Variants in FAM227B observed in about 807,000 individuals in gnomAD.
FAM227B encodes protein FAM227B.
Under a neutral mutation model 73.8 loss-of-function variants are expected in FAM227B, and 88 were observed. That is an observed-to-expected ratio of 1.19 (90% CI 1.00 to 1.42). FAM227B has a LOEUF of 1.42. FAM227B is among the 40% of genes most tolerant of loss of function. FAM227B has a pLI of 0.00. For synonymous variants in FAM227B, 210 were observed against 190.5 expected, an observed-to-expected ratio of 1.10 and a Z score of -0.84; for missense variants, 632 against 590.9, an observed-to-expected ratio of 1.07 and a Z score of -0.72.
chr15:49,584,594 T>A (rs1266859755), intron 5 of FAM227B, among the ~76,000 whole-genome samples: 1 of 152,142 alleles, frequency 6.6e-6, no homozygotes. Context: ...TCAGGTGACA[T>A]TATCCTATAC....
chr15:49,559,581 C>T (rs2074066052), intron 9 of FAM227B, among the ~76,000 whole-genome samples: 1 of 152,064 alleles, frequency 6.6e-6, no homozygotes, highest in South Asian at 2.1e-4. Context: ...CATAAGTCAA[C>T]AGAGGCAATG....
intron 11 of FAM227B, among the ~76,000 whole-genome samples, chr15:49,500,112 T>G (rs1361576297): frequency 6.6e-6 from 1 of 152,216 alleles, no homozygotes; most frequent in East Asian, 1.9e-4. Context: ...AAGGACCTGT[T>G]TCTAAATACA....
At chr15:49,502,282 A>C (rs879267957) in intron 11 of FAM227B, among the ~76,000 whole-genome samples, 3 of 152,204 alleles carry the variant, frequency 2.0e-5, no homozygotes, top group African/African-American at 4.8e-5. Context: ...TTGCACCCTG[A>C]ATCTGAAAAA....
chr15:49,588,427 C>T (rs1325834047), intron 4 of FAM227B, among the ~76,000 whole-genome samples: 1 of 149,900 alleles, frequency 6.7e-6, no homozygotes, highest in Non-Finnish European at 1.5e-5. Flanking sequence ...TTCATGGTCA[C>T]CTTAATTTCA....
At chr15:49,576,617 A>C (rs1483629849) in intron 7 of FAM227B, 124 bp downstream of exon 7, 1 of 633,860 alleles carries the variant, frequency 1.6e-6, no homozygotes, top group African/African-American at 1.8e-5. Context: ...TTTCCTGCCA[A>C]ATTTAATGCC....
chr15:49,405,798 A>G (rs541265726), intron 11 of FAM227B, among the ~76,000 whole-genome samples: 35 of 152,196 alleles, frequency 2.3e-4, no homozygotes, highest in Non-Finnish European at 4.0e-4. Flanking sequence ...GAAGTGATGC[A>G]GTCATTTGGA....
chr15:49,617,776 T>TTGTG (rs67917912), intron 1 of FAM227B, among the ~76,000 whole-genome samples: 12,322 of 148,086 alleles, frequency 0.083, 644 homozygotes, highest in East Asian at 0.12. Context: ...CTTTCATGTT[T>TTGTG]TGTGTGTGTG....
chr15:49,614,719 A>T lies in FAM227B; in HGVS notation c.51+402T>A, dbSNP rs114909520. 3.8e-3 allele frequency: 670 copies of T among 174,848 alleles called. 6 individuals are homozygous for T. Among genetic ancestry groups the T allele is most frequent in the African/African-American group, 0.015 (646 of 42,442 alleles). The allele number at this position is 174,848 out of a possible 1,614,324, so 10.8% of individuals were successfully genotyped here. On this transcript the variant is annotated intron_variant, in intron 2 of 15. Transcript: ENST00000299338. ...ACATACCAAATCACTATATCTTGAC[A>T]ATTAGCCTCTAGACTCCTCACCATC...
chr15:49,484,373 G>A (rs780006901), intron 11 of FAM227B: 3 of 1,594,538 alleles, frequency 1.9e-6, no homozygotes, highest in East Asian at 2.2e-5. Flanking sequence ...CAACACATAT[G>A]CATCAGCTAA....
intron 9 of FAM227B, among the ~76,000 whole-genome samples, chr15:49,543,905 G>T (rs775516063): frequency 6.6e-6 from 1 of 152,098 alleles, no homozygotes; most frequent in Admixed American, 6.6e-5. Context: ...ACATAGCCTT[G>T]TAGTATAGTT....
At chr15:49,600,880 A>C (rs956286008) in intron 3 of FAM227B, among the ~76,000 whole-genome samples, 5 of 150,846 alleles carry the variant, frequency 3.3e-5, no homozygotes, top group African/African-American at 9.8e-5. Context: ...ATCTCTACTA[A>C]AAATACCAAA....
intron 11 of FAM227B, among the ~76,000 whole-genome samples, chr15:49,503,055 T>C (rs1187244699): frequency 3.3e-5 from 5 of 151,998 alleles, no homozygotes; most frequent in Admixed American, 1.3e-4. Context: ...CAAAACAGCA[T>C]GGTCCTGGTA....
intron 11 of FAM227B, among the ~76,000 whole-genome samples, chr15:49,374,871 G>A (rs1411923541): frequency 6.6e-6 from 1 of 152,164 alleles, no homozygotes; most frequent in Non-Finnish European, 1.5e-5. Context: ...ATGTCTTATT[G>A]TGTGTATTTT....
At chr15:49,613,916 T>A (rs182256230) in intron 2 of FAM227B, among the ~76,000 whole-genome samples, 69 of 152,286 alleles carry the variant, frequency 4.5e-4, no homozygotes, top group African/African-American at 1.6e-3. Context: ...AGATGGTGCA[T>A]GCAAAAGGCT....
intron 10 of FAM227B, among the ~76,000 whole-genome samples, chr15:49,514,653 A>G (rs1283336884): frequency 1.3e-5 from 2 of 152,126 alleles, no homozygotes; most frequent in African/African-American, 4.8e-5. Context: ...TCTCAATACC[A>G]ATCTTTTATT....
intron 2 of FAM227B, chr15:49,614,720 A>G (rs889317011): frequency 1.1e-5 from 2 of 174,538 alleles, no homozygotes; most frequent in African/African-American, 4.7e-5. Context: ...TATCTTGACA[A>G]TTAGCCTCTA....
chr15:49,356,231 C>A (rs1160850656), intron 13 of FAM227B, among the ~76,000 whole-genome samples: 3 of 151,898 alleles, frequency 2.0e-5, no homozygotes, highest in African/African-American at 7.3e-5. Context: ...ATCAAATTCA[C>A]ACATAACAAT....
At chr15:49,604,220 A>G (rs753862226) in intron 3 of FAM227B, among the ~76,000 whole-genome samples, 6 of 152,216 alleles carry the variant, frequency 3.9e-5, no homozygotes, top group Non-Finnish European at 7.4e-5. Context: ...CTTCATTTGA[A>G]CTTGAAGAAC....
At chr15:49,541,281 T>G (rs2071033091) in intron 10 of FAM227B, among the ~76,000 whole-genome samples, 1 of 152,122 alleles carries the variant, frequency 6.6e-6, no homozygotes, top group Admixed American at 6.5e-5. Context: ...AGGTTTTCCT[T>G]GATTAATGTT....
Sources: allele counts gnomAD v4.1 joint callset (sites outside exome capture counted in the v4.1 genomes callset), GRCh38; gene constraint gnomAD v4.1.1; transcripts MANE v1.5; gene names NCBI Gene and HGNC (gene_info 2026-07-23, HGNC 2026-07-21).